The following BCAS3 variants were observed in gnomAD, a reference collection of about 807,000 sequenced individuals.
BCAS3 encodes the protein BCAS3 microtubule associated cell migration factor.
Under a neutral mutation model 116.1 loss-of-function variants are expected in BCAS3, and 53 were observed. The ratio of observed to expected loss-of-function variants is 0.46; its 90% CI spans 0.37 to 0.57. BCAS3 has a LOEUF of 0.57. Ranked by LOEUF, BCAS3 falls within the 20% of genes least tolerant of loss-of-function variation. The pLI, the probability that BCAS3 is intolerant of heterozygous loss-of-function variation, is 0.00. For missense variants in BCAS3, 917 were observed against 1,165.4 expected (o/e 0.79, Z 3.10); for synonymous variants, 391 against 408.2 (o/e 0.96, Z 0.51).
intron 22 of BCAS3, among the ~76,000 whole-genome samples, chr17:61,107,258 T>C (rs2074728681): frequency 6.6e-6 from 1 of 152,010 alleles, no homozygotes; most frequent in Non-Finnish European, 1.5e-5. Flanking sequence ...GGCTAATTTT[T>C]GTATTTTTAG....
chr17:60,797,688 C>T (rs1047449430), intron 6 of BCAS3, among the ~76,000 whole-genome samples: 6 of 152,084 alleles, frequency 3.9e-5, no homozygotes, highest in African/African-American at 1.4e-4. Flanking sequence ...CTCCTAGCCC[C>T]CCACCTCCCG....
In BCAS3 at chr17:61,199,186, CTTCT is replaced by C. The variant is rs1335378190; in HGVS notation, c.2425+114623_2425+114626del. 6.6e-6 allele frequency among the ~76,000 whole-genome samples: 1 copy of C among 152,088 alleles called. No homozygotes were observed. Among genetic ancestry groups the C allele is most frequent in the Admixed American group, 6.5e-5 (1 of 15,270 alleles). ...GGATATGCCAGGAAGAAATTTCTTC[CTTCT>C]ATTTCTTCTCCCTCTTTTTAGCTGT... On this transcript the variant is annotated intron_variant, in intron 22 of 23. Transcript: ENST00000407086. This position sits in a 1 kb window ranked among gnomAD's most constrained non-coding sequence, Gnocchi z 4.6.
chr17:60,889,767 A>G lies in BCAS3; in HGVS notation c.734A>G (p.Asn245Ser). ...AGCCGCTGGCTTGCTTATGCAGAAA[A>G]CAAGGTAAGACGTGGCCTGTGTTTG... ...LGSRWLAYAE[N>S]KLIRCHQSRG... is the part of the protein sequence containing the mutation. Residue 245 changes from asparagine to serine, a missense_variant, in exon 10 of 24, where the codon AAC becomes AGC. This residue lies in a region of BCAS3 where 807 missense variants were observed against 1,026.0 expected (regional missense o/e 0.79). Coordinates refer to ENST00000407086, the MANE Select transcript of BCAS3 (RefSeq NM_017679.5). 6.2e-7 allele frequency: 1 copy of G among 1,611,442 alleles called. No homozygotes were observed. The highest frequency in any genetic ancestry group is 1.9e-4 in the Middle Eastern group (1 of 5,250).
chr17:61,108,217 A>G (rs2074802134), intron 22 of BCAS3, among the ~76,000 whole-genome samples: 1 of 152,118 alleles, frequency 6.6e-6, no homozygotes, highest in Non-Finnish European at 1.5e-5. Flanking sequence ...TTTATCTTGT[A>G]TTAAGGTAGC....
chr17:61,087,096 T>C lies in BCAS3; in HGVS notation c.2425+2532T>C. On this transcript the variant is annotated intron_variant, in intron 22 of 23. Transcript: ENST00000407086. The surrounding 1 kb of genome is among the most constrained non-coding windows in gnomAD (Gnocchi z 4.6). ...TATGGGAAAATTTTGTTGTAGATTCTTCTGTTAAAAAGAATCTAATAAATT... is the reference window on the plus strand; with the variant it reads ...TATGGGAAAATTTTGTTGTAGATTCCTCTGTTAAAAAGAATCTAATAAATT... 3.0e-6 allele frequency: 3 copies of C among 984,802 alleles called. No individual in the cohort carries two copies. The highest frequency in any genetic ancestry group is 3.6e-6 in the Non-Finnish European group (3 of 829,354). The allele number at this position is 984,802 out of a possible 1,614,324, so 61.0% of individuals were successfully genotyped here.
At chr17:61,238,927 G>A (rs1568642140) in intron 22 of BCAS3, among the ~76,000 whole-genome samples, 1 of 152,122 alleles carries the variant, frequency 6.6e-6, no homozygotes, top group Non-Finnish European at 1.5e-5. Flanking sequence ...ATGGCTTCAT[G>A]GCTAGAAATA....
intron 23 of BCAS3, among the ~76,000 whole-genome samples, chr17:61,372,268 T>C (rs773247631): frequency 6.6e-6 from 1 of 152,198 alleles, no homozygotes; most frequent in African/African-American, 2.4e-5. Flanking sequence ...GTGTCTGCAA[T>C]AGAGACGCAG....
intron 7 of BCAS3, among the ~76,000 whole-genome samples, chr17:60,812,607 G>A (rs1321296095): frequency 2.0e-5 from 3 of 152,112 alleles, no homozygotes; most frequent in African/African-American, 7.2e-5. Context: ...TTTTTGGAGG[G>A]CTCTGCTCTG....
At chr17:60,800,510 G>A (rs2047676383) in intron 6 of BCAS3, among the ~76,000 whole-genome samples, 1 of 152,054 alleles carries the variant, frequency 6.6e-6, no homozygotes, top group African/African-American at 2.4e-5. Flanking sequence ...TATGTTTTTT[G>A]CAAGTATTTT....
intron 14 of BCAS3, among the ~76,000 whole-genome samples, chr17:60,988,321 CCTTTT>C (rs1160222935): frequency 8.2e-6 from 1 of 122,560 alleles, no homozygotes; most frequent in African/African-American, 2.9e-5. Flanking sequence ...TCTTTTCTTT[CCTTTT>C]CTTTTCTTTT....
rs1040243835 is a variant in BCAS3 at position 60,915,402 on chromosome 17, G to A, written c.993+4700G>A. On this transcript the variant is annotated intron_variant, in intron 12 of 23. Transcript: ENST00000407086. ...ATAGGGCTGTGAAATTTTATCCCATGTATACATTCATGTAACCCCCACCAC... is the reference window on the plus strand; with the variant it reads ...ATAGGGCTGTGAAATTTTATCCCATATATACATTCATGTAACCCCCACCAC... 2.0e-5 allele frequency among the ~76,000 whole-genome samples: 3 copies of A among 152,008 alleles called. No homozygotes were observed. The South Asian group carries it at 6.2e-4, about 31-fold the overall frequency.
chr17:61,004,328 T>G lies in BCAS3; in HGVS notation c.1487-11423T>G, dbSNP rs2064492434. Among the ~76,000 whole-genome samples, 3 of 152,128 alleles carry G rather than the reference T, an allele frequency of 2.0e-5. No individual in the cohort carries two copies. The South Asian group carries it at 6.2e-4, about 31-fold the overall frequency. On this transcript the variant is annotated intron_variant, in intron 15 of 23. Transcript: ENST00000407086. The surrounding 1 kb of genome is among the most constrained non-coding windows in gnomAD (Gnocchi z 4.8). Reference sequence around the variant, plus strand: ...CAAATTTTGGGAAAAGAAGTGAATGTTCATTTCCTTATGTACTTATCAAAA... The same window carrying G: ...CAAATTTTGGGAAAAGAAGTGAATGGTCATTTCCTTATGTACTTATCAAAA...
intron 22 of BCAS3, among the ~76,000 whole-genome samples, chr17:61,255,419 C>G (rs943482882): frequency 1.3e-5 from 2 of 152,214 alleles, no homozygotes; most frequent in Non-Finnish European, 2.9e-5. Context: ...ATCACACTTT[C>G]CTACATTTCT....
rs8080884 is a variant in BCAS3 at position 60,977,651 on chromosome 17, G to A, written c.1222-12320G>A. On this transcript the variant is annotated intron_variant, in intron 14 of 23. Transcript: ENST00000407086. ...ATATCTCCCAATGCTATCCCACCCC[G>A]CTCCCCCCACCCCACAATAGTCCCC... Among the ~76,000 whole-genome samples the A allele has an allele frequency of 7.2e-5, 8 of 111,080 alleles. 1 individual carries two copies. Among genetic ancestry groups the A allele is most frequent in the East Asian group, 2.8e-4 (1 of 3,600 alleles). 72.9% of individuals were successfully genotyped at this position (111,080 alleles called of 152,430 possible). A position where few individuals can be genotyped will look rare whatever the true frequency, so the allele number is the denominator to read the frequency against.
At chr17:61,234,544 G>T (rs2082878582) in intron 22 of BCAS3, among the ~76,000 whole-genome samples, 1 of 152,184 alleles carries the variant, frequency 6.6e-6, no homozygotes, top group Admixed American at 6.5e-5. Context: ...CTCCCAGGGA[G>T]AGGAGTTTCC....
chr17:61,357,865 G>A (rs2058242357), intron 22 of BCAS3, among the ~76,000 whole-genome samples: 1 of 151,838 alleles, frequency 6.6e-6, no homozygotes, highest in African/African-American at 2.4e-5. Flanking sequence ...GAGACGGGTG[G>A]ATCACTTGAG....
At chr17:61,046,802 A>T (rs530313794) in intron 19 of BCAS3, among the ~76,000 whole-genome samples, 1 of 151,910 alleles carries the variant, frequency 6.6e-6, no homozygotes, top group African/African-American at 2.4e-5. Flanking sequence ...GTGTGTTTGG[A>T]TCTGTGGATC....
chr17:60,912,774 G>T (rs1036476763), intron 12 of BCAS3, among the ~76,000 whole-genome samples: 8 of 151,896 alleles, frequency 5.3e-5, no homozygotes, highest in African/African-American at 7.3e-5. Flanking sequence ...TTGATTTTTT[G>T]ATTTTTAATT....
At chr17:60,680,133 CCA>C (rs2032790164) in intron 2 of BCAS3, among the ~76,000 whole-genome samples, 1 of 23,302 alleles carries the variant, frequency 4.3e-5, no homozygotes. Context: ...GACTCTGTCT[CCA>C]AAAAAAAAAA....
Sources: gnomAD v4.1 joint callset for allele counts (sites outside exome capture counted in the v4.1 genomes callset) on GRCh38, gnomAD v4.1.1 for gene constraint, gnomAD v4.1.1 regional missense constraint, Gnocchi (gnomAD v3.1) non-coding constraint, MANE v1.5 for transcripts, NCBI Gene and HGNC (gene_info 2026-07-23, HGNC 2026-07-21) for gene names.